CERKL: variants seen among roughly 807,000 people sequenced by gnomAD.
CERKL encodes ceramide kinase-like protein.
Under a neutral mutation model 63.4 loss-of-function variants are expected in CERKL, and 61 were observed. The ratio of observed to expected loss-of-function variants is 0.96; its 90% CI spans 0.78 to 1.19. The LOEUF (loss-of-function observed/expected upper bound fraction) is 1.19, where lower values mean the gene tolerates loss of function less well. CERKL is among the 50% of genes most tolerant of loss of function. CERKL has a pLI of 0.00. For missense variants in CERKL, 675 were observed against 655.5 expected (o/e 1.03, Z -0.33); for synonymous variants, 250 against 230.5 (o/e 1.08, Z -0.77).
intron 1 of CERKL, among the ~76,000 whole-genome samples, chr2:181,626,092 C>T (rs1220649009): frequency 5.3e-5 from 8 of 152,062 alleles, no homozygotes; most frequent in Non-Finnish European, 1.0e-4. Flanking sequence ...TCAAGAGTGG[C>T]AAATTCCAAA....
intron 1 of CERKL, among the ~76,000 whole-genome samples, chr2:181,649,131 GA>G (rs1212125930): frequency 6.6e-6 from 1 of 151,842 alleles, no homozygotes; most frequent in African/African-American, 2.4e-5. Context: ...TGCAGGACTG[GA>G]AAAAAAACTC....
Position 181,536,813 on chromosome 2 carries a change from G to A in CERKL, c.*1371C>T, listed in dbSNP as rs984330083. The A allele has an allele frequency of 5.1e-5, 16 of 314,298 alleles. No homozygotes were observed. Among genetic ancestry groups the A allele is most frequent in the Non-Finnish European group, 8.2e-5 (13 of 157,766 alleles). 19.5% of individuals were successfully genotyped at this position (314,298 alleles called of 1,614,324 possible). Reference sequence around the variant, plus strand: ...TTTTATGCTTATGATCTAGATAATTGCAGAATATCATTTTATCTGACTCTG... The same window carrying A: ...TTTTATGCTTATGATCTAGATAATTACAGAATATCATTTTATCTGACTCTG... On this transcript the variant is annotated 3_prime_UTR_variant, in exon 13 of 13. Transcript: ENST00000410087.
At chr2:181,564,562 TCGTCTTTC>T (rs771216282) in intron 4 of CERKL, among the ~76,000 whole-genome samples, 1 of 152,176 alleles carries the variant, frequency 6.6e-6, no homozygotes, top group African/African-American at 2.4e-5. Context: ...ACTTCAGCAA[TCGTCTTTC>T]TTCATTCTGC....
At chr2:181,567,627 T>C (rs926691460) in intron 3 of CERKL, among the ~76,000 whole-genome samples, 2 of 152,130 alleles carry the variant, frequency 1.3e-5, no homozygotes, top group Non-Finnish European at 2.9e-5. Flanking sequence ...GAAAAGAACC[T>C]GACTATCTAC....
intron 1 of CERKL, among the ~76,000 whole-genome samples, chr2:181,625,049 C>T (rs1231558529): frequency 2.0e-5 from 3 of 152,050 alleles, no homozygotes; most frequent in African/African-American, 4.8e-5. Context: ...AAAACAGAAA[C>T]AGAGACAATA....
chr2:181,620,497 A>G (rs1377204357), intron 1 of CERKL, among the ~76,000 whole-genome samples: 1 of 152,204 alleles, frequency 6.6e-6, no homozygotes, highest in Non-Finnish European at 1.5e-5. Context: ...ATTTGATCAT[A>G]AGATGACAAA....
intron 5 of CERKL, among the ~76,000 whole-genome samples, chr2:181,557,247 A>G (rs1368420724): frequency 2.0e-5 from 3 of 152,124 alleles, no homozygotes; most frequent in Non-Finnish European, 2.9e-5. Context: ...GAGTTTAATT[A>G]GATCCCATTT....
At chr2:181,576,299 G>A (rs1478596246) in intron 2 of CERKL, among the ~76,000 whole-genome samples, 1 of 145,074 alleles carries the variant, frequency 6.9e-6, no homozygotes, top group Non-Finnish European at 1.5e-5. Context: ...GTGACAGTCA[G>A]TTGGGGACAA....
chr2:181,619,192 C>A (rs1274449493), intron 1 of CERKL, among the ~76,000 whole-genome samples: 1 of 152,080 alleles, frequency 6.6e-6, no homozygotes. Context: ...CCAGACCTTT[C>A]CTTTTATATG....
chr2:181,633,455 T>C (rs1272371609), intron 1 of CERKL, among the ~76,000 whole-genome samples: 1 of 152,188 alleles, frequency 6.6e-6, no homozygotes, highest in African/African-American at 2.4e-5. Context: ...ACACACTTTC[T>C]TGGGTTTAGG....
rs1191690627 is a variant in CERKL, at chr2:181,558,436, G to T, written c.820+130C>A. 4 of 963,988 alleles carry T rather than the reference G, an allele frequency of 4.1e-6. No individual in the cohort carries two copies. The highest frequency in any genetic ancestry group is 6.6e-6 in the Non-Finnish European group (4 of 607,408). The allele number at this position is 963,988 out of a possible 1,614,324, so 59.7% of individuals were successfully genotyped here. A position where few individuals can be genotyped will look rare whatever the true frequency, so the allele number is the denominator to read the frequency against. On this transcript the variant is annotated intron_variant, in intron 5 of 12. Coordinates refer to ENST00000410087, the MANE Select transcript of CERKL (RefSeq NM_201548.5). This position sits in a 1 kb window ranked among gnomAD's most constrained non-coding sequence, Gnocchi z 4.2. ...CTTGTCAAAAGTCTCACATTTGCTA[G>T]TGGGGATGCCAGAAGTCTGGATCTT...
chr2:181,655,847 C>T (rs1188079500), intron 1 of CERKL, among the ~76,000 whole-genome samples: 1 of 152,176 alleles, frequency 6.6e-6, no homozygotes, highest in Admixed American at 6.5e-5. Flanking sequence ...GATGTAGTTC[C>T]TCCCCCATTT....
At chr2:181,582,611 C>T (rs1684570759) in intron 2 of CERKL, among the ~76,000 whole-genome samples, 1 of 151,272 alleles carries the variant, frequency 6.6e-6, no homozygotes, top group Non-Finnish European at 1.5e-5. Context: ...TCTTGGCTCA[C>T]TCCAACCTCC....
Sources: allele counts gnomAD v4.1 joint callset (sites outside exome capture counted in the v4.1 genomes callset), GRCh38; gene constraint gnomAD v4.1.1; non-coding constraint Gnocchi (gnomAD v3.1); transcripts MANE v1.5; gene names NCBI Gene and HGNC (gene_info 2026-07-23, HGNC 2026-07-21).